GALNT1: variants seen among roughly 807,000 people sequenced by gnomAD.
GALNT1 encodes the protein GalNAc transferase 1.
In GALNT1, 17 loss-of-function variants were observed where a neutral mutation model predicts 65.7. The ratio of observed to expected loss-of-function variants is 0.26; its 90% CI spans 0.18 to 0.39. GALNT1 has a LOEUF of 0.39. Ranked by LOEUF, GALNT1 falls within the 10% of genes least tolerant of loss-of-function variation. The pLI, the probability that GALNT1 is intolerant of heterozygous loss-of-function variation, is 1.00. For synonymous variants in GALNT1, 210 were observed against 219.7 expected, an observed-to-expected ratio of 0.96 and a Z score of 0.39; for missense variants, 460 against 672.8, an observed-to-expected ratio of 0.68 and a Z score of 3.50.
chr18:35,597,058 T>A (rs991705754), intron 1 of GALNT1: 5 of 152,216 alleles, frequency 3.3e-5, no homozygotes, highest in Non-Finnish European at 1.5e-5. Flanking sequence ...TAGTGGAAAC[T>A]AAGGCAACTC....
At chr18:35,598,702 A>T (rs1305332761) in intron 1 of GALNT1, among the ~76,000 whole-genome samples, 1 of 152,142 alleles carries the variant, frequency 6.6e-6, no homozygotes, top group African/African-American at 2.4e-5. Context: ...GGGAGTGTCT[A>T]TATCTCTTCA....
At chr18:35,607,161 G>C (rs2144012345) in intron 1 of GALNT1, among the ~76,000 whole-genome samples, 1 of 152,240 alleles carries the variant, frequency 6.6e-6, no homozygotes, top group South Asian at 2.1e-4. Context: ...GAGGCCCTGA[G>C]TCTAACACAG....
At chr18:35,622,378 A>C (rs1393152473) in intron 1 of GALNT1, among the ~76,000 whole-genome samples, 3 of 152,062 alleles carry the variant, frequency 2.0e-5, no homozygotes, top group Admixed American at 2.0e-4. Flanking sequence ...CAACCTCCCA[A>C]GTAGCTGGGA....
chr18:35,669,340 T>C (rs1330052056), intron 3 of GALNT1, among the ~76,000 whole-genome samples: 1 of 152,188 alleles, frequency 6.6e-6, no homozygotes, highest in African/African-American at 2.4e-5. Context: ...AAGCAACATA[T>C]CAAACTTATT....
At chr18:35,676,783 T>C (rs1235259075) in intron 3 of GALNT1, among the ~76,000 whole-genome samples, 1 of 152,204 alleles carries the variant, frequency 6.6e-6, no homozygotes, top group Non-Finnish European at 1.5e-5. Flanking sequence ...CTGCCGCTGT[T>C]ACTGTTCTCT....
At chr18:35,660,322 G>A (rs948139681) in intron 2 of GALNT1, among the ~76,000 whole-genome samples, 3 of 152,096 alleles carry the variant, frequency 2.0e-5, no homozygotes, top group Admixed American at 1.3e-4. Context: ...GTTTGTGTAT[G>A]TTAATCTTAT....
At chr18:35,666,002 A>G (rs61008208) in intron 3 of GALNT1, among the ~76,000 whole-genome samples, 2,582 of 152,308 alleles carry the variant, frequency 0.017, 40 homozygotes, top group African/African-American at 0.032. Flanking sequence ...TTGCACAGGC[A>G]GAGGCGACCA....
At chr18:35,649,197 G>C (rs2047278419) in intron 1 of GALNT1, among the ~76,000 whole-genome samples, 1 of 152,196 alleles carries the variant, frequency 6.6e-6, no homozygotes, top group South Asian at 2.1e-4. Flanking sequence ...TAGAGTTCCA[G>C]TTGCTCCAAT....
At chr18:35,600,766 C>T (rs1431906266) in intron 1 of GALNT1, among the ~76,000 whole-genome samples, 1 of 152,032 alleles carries the variant, frequency 6.6e-6, no homozygotes, top group Non-Finnish European at 1.5e-5. Flanking sequence ...TTGAGCTATT[C>T]TTGCATCACT....
At position 35,615,007 on chromosome 18, in the gene GALNT1, A is replaced by G. The variant is rs115476619; in HGVS notation, c.-104+33145A>G. ...CATGTTCATAGAAAGAAGGTTTCCTATAAACGTATCAATTAATCTGTCTTT... is the reference window on the plus strand; with the variant it reads ...CATGTTCATAGAAAGAAGGTTTCCTGTAAACGTATCAATTAATCTGTCTTT... On this transcript the variant is annotated intron_variant, in intron 1 of 11. Coordinates refer to ENST00000269195, the MANE Select transcript of GALNT1 (RefSeq NM_020474.4). Among the ~76,000 whole-genome samples, 1,157 of 152,284 alleles carry G rather than the reference A, an allele frequency of 7.6e-3. 18 individuals are homozygous for G. Among genetic ancestry groups the G allele is most frequent in the African/African-American group, 0.026 (1,101 of 41,564 alleles).
At chr18:35,649,635 G>C (rs2047283736) in intron 1 of GALNT1, among the ~76,000 whole-genome samples, 1 of 151,964 alleles carries the variant, frequency 6.6e-6, no homozygotes. Flanking sequence ...TTAATGGTTT[G>C]TGCTTTTTTG....
intron 1 of GALNT1, among the ~76,000 whole-genome samples, chr18:35,630,269 C>T (rs555681833): frequency 5.3e-4 from 81 of 152,224 alleles, no homozygotes; most frequent in African/African-American, 1.5e-3. Context: ...AGCACCACAC[C>T]GCAGTTACTC....
At chr18:35,661,559 A>T (rs1274579762) in intron 2 of GALNT1, among the ~76,000 whole-genome samples, 1 of 151,906 alleles carries the variant, frequency 6.6e-6, no homozygotes, top group Non-Finnish European at 1.5e-5. Context: ...TGGCTTCAAG[A>T]GTTGTCAACT....
chr18:35,595,223 G>A (rs942140383), intron 1 of GALNT1, among the ~76,000 whole-genome samples: 4 of 152,038 alleles, frequency 2.6e-5, no homozygotes, highest in African/African-American at 4.8e-5. Context: ...TTAATAACAA[G>A]ATAATTTACA....
chr18:35,710,880 C>G lies in GALNT1; in HGVS notation c.*1110C>G, dbSNP rs542658204. 1 of 152,514 alleles carries G rather than the reference C, an allele frequency of 6.6e-6. No homozygotes were observed. The highest frequency in any genetic ancestry group is 2.1e-4 in the South Asian group (1 of 4,814). The allele number at this position is 152,514 out of a possible 1,614,324, so 9.4% of individuals were successfully genotyped here. A position where few individuals can be genotyped will look rare whatever the true frequency, so the allele number is the denominator to read the frequency against. On this transcript the variant is annotated 3_prime_UTR_variant, in exon 12 of 12. Coordinates refer to ENST00000269195, the MANE Select transcript of GALNT1 (RefSeq NM_020474.4). ...TACATTTGATGGTTTTTTGGAAAAC[C>G]TTTTTCACTCCATACTCAGATATGC...
chr18:35,681,018 G>T (rs1458802961), intron 4 of GALNT1, among the ~76,000 whole-genome samples: 1 of 152,122 alleles, frequency 6.6e-6, no homozygotes, highest in East Asian at 1.9e-4. Flanking sequence ...TTTATATTTA[G>T]TAGAGGTTAG....
intron 11 of GALNT1, among the ~76,000 whole-genome samples, chr18:35,708,012 A>G (rs991851404): frequency 6.6e-6 from 1 of 152,230 alleles, no homozygotes; most frequent in African/African-American, 2.4e-5. Flanking sequence ...CCATTTATCA[A>G]GCATTTACTC....
At chr18:35,645,185 TG>T (rs1199687168) in intron 1 of GALNT1, among the ~76,000 whole-genome samples, 8 of 151,344 alleles carry the variant, frequency 5.3e-5, no homozygotes, top group African/African-American at 1.9e-4. Context: ...CTTCACCTCT[TG>T]CACCTGTTGG....
At chr18:35,615,525 C>T (rs2046772559) in intron 1 of GALNT1, among the ~76,000 whole-genome samples, 1 of 152,026 alleles carries the variant, frequency 6.6e-6, no homozygotes, top group South Asian at 2.1e-4. Flanking sequence ...GCCAAAAGCA[C>T]AATTGTTGAA....
Sources: allele counts gnomAD v4.1 joint callset (sites outside exome capture counted in the v4.1 genomes callset), GRCh38; gene constraint gnomAD v4.1.1; transcripts MANE v1.5; gene names NCBI Gene and HGNC (gene_info 2026-07-23, HGNC 2026-07-21).